The following ESRRG variants were observed in gnomAD, a reference collection of about 807,000 sequenced individuals.
ESRRG encodes the protein estrogen-related receptor gamma.
In ESRRG, 13 loss-of-function variants were observed where a neutral mutation model predicts 44.0. The observed-to-expected ratio is 0.30, with a 90% CI of 0.19 to 0.47. The LOEUF is 0.47. ESRRG is among the 20% of genes least tolerant of loss of function. The pLI, the probability that ESRRG is intolerant of heterozygous loss-of-function variation, is 1.00. For missense variants in ESRRG, 395 were observed against 580.6 expected, an observed-to-expected ratio of 0.68 and a Z score of 3.29; for synonymous variants, 215 against 214.6, an observed-to-expected ratio of 1.00 and a Z score of -0.02.
At chr1:216,704,388 G>T (rs1433250259) in intron 1 of ESRRG, among the ~76,000 whole-genome samples, 2 of 152,096 alleles carry the variant, frequency 1.3e-5, no homozygotes, top group Non-Finnish European at 2.9e-5. Flanking sequence ...ATGGTGGTGG[G>T]CACCTGTAAT....
At chr1:217,012,594 G>T (rs1259831338) in intron 1 of ESRRG, among the ~76,000 whole-genome samples, 1 of 152,176 alleles carries the variant, frequency 6.6e-6, no homozygotes, top group East Asian at 1.9e-4. Context: ...TTAGGCTAAG[G>T]AAATTACAGA....
chr1:217,011,702 C>A (rs2078647845), intron 1 of ESRRG, among the ~76,000 whole-genome samples: 1 of 152,110 alleles, frequency 6.6e-6, no homozygotes, highest in Non-Finnish European at 1.5e-5. Flanking sequence ...CTGTGGGTAC[C>A]TCATATCTAG....
At chr1:216,636,712 GC>G (rs2065372974) in intron 3 of ESRRG, among the ~76,000 whole-genome samples, 1 of 152,202 alleles carries the variant, frequency 6.6e-6, no homozygotes, top group Non-Finnish European at 1.5e-5. Flanking sequence ...AGCTTTACAA[GC>G]TTGGGAACTT....
intron 2 of ESRRG, among the ~76,000 whole-genome samples, chr1:216,869,789 A>G (rs531293370): frequency 6.6e-6 from 1 of 152,118 alleles, no homozygotes; most frequent in African/African-American, 2.4e-5. Context: ...GTATAACTAT[A>G]TATTTCATTT....
chr1:217,103,148 T>C (rs1430105476), intron 1 of ESRRG, among the ~76,000 whole-genome samples: 1 of 145,850 alleles, frequency 6.9e-6, no homozygotes, highest in Non-Finnish European at 1.5e-5. Context: ...CACAGAGTTT[T>C]TACATGTTTA....
intron 2 of ESRRG, among the ~76,000 whole-genome samples, chr1:216,931,022 G>A (rs1407608091): frequency 6.6e-6 from 1 of 152,188 alleles, no homozygotes; most frequent in Non-Finnish European, 1.5e-5. Flanking sequence ...TGTGATTTTT[G>A]TAAGGAAAGC....
rs548151385 is a variant in ESRRG at position 216,916,208 on chromosome 1, C to T, written c.-14+23374G>A. On this transcript the variant is annotated intron_variant, in intron 2 of 7. Transcript: ENST00000359162. ...GACATCACTTCAAACGTGGACTTGCCAGAAAATTATCATTTCAAGTGCTCC... is the reference window on the plus strand; with the variant it reads ...GACATCACTTCAAACGTGGACTTGCTAGAAAATTATCATTTCAAGTGCTCC... Among the ~76,000 whole-genome samples the T allele has an allele frequency of 3.3e-5, 5 of 152,292 alleles. No individual in the cohort carries two copies. The South Asian group carries it at 1.0e-3, about 32-fold the overall frequency.
At chr1:216,860,167 A>C (rs1443266494) in intron 2 of ESRRG, among the ~76,000 whole-genome samples, 1 of 152,198 alleles carries the variant, frequency 6.6e-6, no homozygotes, top group African/African-American at 2.4e-5. Flanking sequence ...CATGAGGCTG[A>C]GACAGAAGAA....
At chr1:217,061,846 C>T (rs1269227138) in intron 1 of ESRRG, among the ~76,000 whole-genome samples, 1 of 152,024 alleles carries the variant, frequency 6.6e-6, no homozygotes, top group Non-Finnish European at 1.5e-5. Flanking sequence ...TTAAACAATC[C>T]ACTAATGATA....
intron 1 of ESRRG, chr1:217,000,479 A>T: frequency 6.6e-6 from 1 of 152,182 alleles, no homozygotes; most frequent in Non-Finnish European, 1.5e-5. Flanking sequence ...GATATATTGA[A>T]CTAGGGCCCA....
At chr1:216,919,383 C>T (rs1276514211) in intron 2 of ESRRG, among the ~76,000 whole-genome samples, 1 of 152,170 alleles carries the variant, frequency 6.6e-6, no homozygotes, top group Non-Finnish European at 1.5e-5. Flanking sequence ...ACAGCACTTC[C>T]GGGGTTGAGC....
intron 1 of ESRRG, among the ~76,000 whole-genome samples, chr1:217,015,795 T>C (rs1579520544): frequency 6.6e-6 from 1 of 150,756 alleles, no homozygotes; most frequent in Admixed American, 6.7e-5. Context: ...AATGGCATGA[T>C]CTTGGCTCAC....
chr1:217,017,478 CAAAAAA>C, intron 1 of ESRRG, among the ~76,000 whole-genome samples: 1 of 82,510 alleles, frequency 1.2e-5, no homozygotes, highest in South Asian at 4.9e-4. Context: ...CTACATAACT[CAAAAAA>C]AAAAAAAAAA....
intron 2 of ESRRG, among the ~76,000 whole-genome samples, chr1:216,922,153 T>C (rs2061928566): frequency 6.6e-6 from 1 of 152,194 alleles, no homozygotes; most frequent in South Asian, 2.1e-4. Flanking sequence ...GATACAATAA[T>C]ATCTACCCTC....
chr1:216,632,146 C>T (rs2064333056), intron 3 of ESRRG, among the ~76,000 whole-genome samples: 1 of 152,308 alleles, frequency 6.6e-6, no homozygotes, highest in African/African-American at 2.4e-5. Context: ...CACCAATATG[C>T]CTATATTAAA....
chr1:216,520,976 T>C (rs1412352644), intron 5 of ESRRG, among the ~76,000 whole-genome samples: 1 of 152,112 alleles, frequency 6.6e-6, no homozygotes, highest in African/African-American at 2.4e-5. Context: ...TGAAAAACAG[T>C]GGTTTGCCAT....
chr1:217,080,613 C>T (rs1418570414), intron 1 of ESRRG, among the ~76,000 whole-genome samples: 1 of 151,682 alleles, frequency 6.6e-6, no homozygotes, highest in Non-Finnish European at 1.5e-5. Context: ...TTTCTGGGTC[C>T]ACTCCAGTTT....
intron 1 of ESRRG, among the ~76,000 whole-genome samples, chr1:216,959,212 G>T (rs982324523): frequency 1.3e-5 from 2 of 151,916 alleles, no homozygotes; most frequent in African/African-American, 4.8e-5. Flanking sequence ...CTGATTCCCA[G>T]ATCCTAGAAC....
At position 216,947,227 on chromosome 1, in the gene ESRRG, T is replaced by C. The variant is rs555069020; in HGVS notation, c.-105-7554A>G. 2.1e-4 allele frequency among the ~76,000 whole-genome samples: 32 copies of C among 152,288 alleles called. No homozygotes were observed. The South Asian group carries it at 6.7e-3, about 32-fold the overall frequency. On this transcript the variant is annotated intron_variant, in intron 1 of 7. Coordinates refer to the ESRRG transcript ENST00000359162. ...TGGCATCTGTCTTCTCGGTACACTC[T>C]TTGGAAAGTGGTTCTAGGCGCTTTA...
Sources: allele counts gnomAD v4.1 joint callset (sites outside exome capture counted in the v4.1 genomes callset), GRCh38; gene constraint gnomAD v4.1.1; transcripts MANE v1.5; gene names NCBI Gene and HGNC (gene_info 2026-07-23, HGNC 2026-07-21).